Variants in MYT1L observed in about 807,000 individuals in gnomAD.
MYT1L encodes myelin transcription factor 1 like, also known as myelin transcription factor 1-like protein.
A neutral mutation model predicts 126.7 loss-of-function variants in MYT1L; 12 were observed. The observed-to-expected ratio is 0.09, with a 90% confidence interval of 0.06 to 0.15. The LOEUF is 0.15. Among genes scored for constraint, MYT1L ranks in the 10% least tolerant of loss-of-function variants. The probability of loss-of-function intolerance (pLI) is 1.00; values close to 1 mark genes in which losing one functional copy is unlikely to be tolerated. For missense variants in MYT1L, 979 were observed against 1,585.2 expected (o/e 0.62, Z 6.49); for synonymous variants, 541 against 604.2 (o/e 0.90, Z 1.53).
chr2:1,802,170 C>T (rs2034971273), intron 22 of MYT1L, among the ~76,000 whole-genome samples: 2 of 152,184 alleles, frequency 1.3e-5, no homozygotes, highest in African/African-American at 4.8e-5. Context: ...TGTTCTCTCT[C>T]TCGACTCGCT....
intron 2 of MYT1L, among the ~76,000 whole-genome samples, chr2:2,225,450 G>T (rs779800027): frequency 6.6e-6 from 1 of 152,132 alleles, no homozygotes; most frequent in Non-Finnish European, 1.5e-5. Context: ...GTCTCGTCTC[G>T]GGCTAAATTC....
chr2:2,177,365 T>C (rs765536413), intron 2 of MYT1L, among the ~76,000 whole-genome samples: 6 of 152,192 alleles, frequency 3.9e-5, no homozygotes, highest in Non-Finnish European at 7.3e-5. Flanking sequence ...TTATTTGTGG[T>C]AAATAGGCAA....
intron 2 of MYT1L, among the ~76,000 whole-genome samples, chr2:2,199,712 T>C (rs1572391229): frequency 6.6e-6 from 1 of 152,320 alleles, no homozygotes; most frequent in Non-Finnish European, 1.5e-5. Flanking sequence ...CTGATGGAGC[T>C]GAATTCTCTG....
chr2:1,792,523 G>A (rs911626214), intron 23 of MYT1L, 59 bp from the exon 24 acceptor site: 21 of 1,547,086 alleles, frequency 1.4e-5, no homozygotes, highest in Non-Finnish European at 1.8e-5. Flanking sequence ...GCGCGTGGTC[G>A]TTGCCGGGGG....
intron 1 of MYT1L, among the ~76,000 whole-genome samples, chr2:2,319,541 C>A (rs2096124538): frequency 6.6e-6 from 1 of 151,984 alleles, no homozygotes; most frequent in African/African-American, 2.4e-5. Context: ...TCATACGTGC[C>A]GTTGAATAGA....
At chr2:2,265,007 A>C (rs1020231709) in intron 2 of MYT1L, among the ~76,000 whole-genome samples, 2 of 152,066 alleles carry the variant, frequency 1.3e-5, no homozygotes, top group African/African-American at 4.8e-5. Context: ...CATCTTGAGC[A>C]ACTAAAATTC....
intron 3 of MYT1L, among the ~76,000 whole-genome samples, chr2:2,120,967 C>T (rs780252982): frequency 3.3e-5 from 5 of 152,066 alleles, no homozygotes; most frequent in African/African-American, 1.2e-4. Context: ...TGTGTTAGAC[C>T]CACGGCCACC....
At chr2:2,054,325 C>T (rs1303192402) in intron 3 of MYT1L, among the ~76,000 whole-genome samples, 1 of 151,900 alleles carries the variant, frequency 6.6e-6, no homozygotes, top group Admixed American at 6.6e-5. Flanking sequence ...GGAGATGAGA[C>T]ACATGGAGAT....
intron 3 of MYT1L, among the ~76,000 whole-genome samples, chr2:2,153,121 G>A (rs1044655902): frequency 6.6e-6 from 1 of 152,148 alleles, no homozygotes; most frequent in Non-Finnish European, 1.5e-5. Context: ...AAAATAGTGA[G>A]TCCCTGTCTG....
At chr2:2,134,102 A>G (rs2082728593) in intron 3 of MYT1L, among the ~76,000 whole-genome samples, 1 of 151,990 alleles carries the variant, frequency 6.6e-6, no homozygotes, top group East Asian at 1.9e-4. Flanking sequence ...TAAACTCACT[A>G]TCTCTCCCCG....
intron 23 of MYT1L, among the ~76,000 whole-genome samples, chr2:1,797,898 C>G (rs2033955579): frequency 1.1e-5 from 1 of 88,248 alleles, no homozygotes; most frequent in African/African-American, 4.4e-5. Flanking sequence ...GGCGGTCTCC[C>G]CCTTCTCCGG....
intron 4 of MYT1L, among the ~76,000 whole-genome samples, chr2:2,025,354 G>A (rs1463980707): frequency 6.6e-6 from 1 of 152,184 alleles, no homozygotes; most frequent in Non-Finnish European, 1.5e-5. Context: ...TCTCTACTGT[G>A]ATTCCCGTTT....
intron 9 of MYT1L, among the ~76,000 whole-genome samples, chr2:1,924,826 T>C (rs572602200): frequency 9.2e-5 from 14 of 152,278 alleles, no homozygotes; most frequent in African/African-American, 2.2e-4. Context: ...ATCAAACTAG[T>C]GAATGAATCA....
At chr2:2,156,263 T>C (rs1168007804) in intron 3 of MYT1L, among the ~76,000 whole-genome samples, 1 of 152,196 alleles carries the variant, frequency 6.6e-6, no homozygotes, top group Non-Finnish European at 1.5e-5. Context: ...CAGAAACCTA[T>C]TGATATTCCA....
chr2:1,974,436 G>A (rs1362794562), intron 8 of MYT1L: 4 of 152,252 alleles, frequency 2.6e-5, no homozygotes, highest in East Asian at 1.9e-4. Flanking sequence ...AAAATTCACC[G>A]TGTTTTTGTC....
chr2:1,796,109 C>A (rs564441096), intron 23 of MYT1L, among the ~76,000 whole-genome samples: 10 of 152,214 alleles, frequency 6.6e-5, no homozygotes, highest in Non-Finnish European at 1.3e-4. Flanking sequence ...TGCAGCACCA[C>A]GTGACGCTGT....
At chr2:2,158,267 G>GA (rs897034945) in intron 3 of MYT1L, among the ~76,000 whole-genome samples, 9 of 151,504 alleles carry the variant, frequency 5.9e-5, no homozygotes, top group Middle Eastern at 3.4e-3. Context: ...GAAGAAGAAG[G>GA]AAAAAAAACC....
At chr2:2,299,056 G>A (rs2095743745) in intron 1 of MYT1L, among the ~76,000 whole-genome samples, 1 of 152,100 alleles carries the variant, frequency 6.6e-6, no homozygotes, top group Non-Finnish European at 1.5e-5. Context: ...GTTTCACCAT[G>A]TTAGCCAGGA....
chr2:2,130,203 A>G (rs1444893685), intron 3 of MYT1L, among the ~76,000 whole-genome samples: 1 of 152,160 alleles, frequency 6.6e-6, no homozygotes, highest in African/African-American at 2.4e-5. Context: ...TCACAGAGGT[A>G]GCAGCACGAG....
Sources: gnomAD v4.1 joint callset for allele counts (sites outside exome capture counted in the v4.1 genomes callset) on GRCh38, gnomAD v4.1.1 for gene constraint, MANE v1.5 for transcripts, NCBI Gene and HGNC (gene_info 2026-07-23, HGNC 2026-07-21) for gene names.